GGT1: variants seen among roughly 807,000 people sequenced by gnomAD.
GGT1 encodes glutathione hydrolase 1 proenzyme.
Under a neutral mutation model 56.0 loss-of-function variants are expected in GGT1, and 21 were observed. The observed-to-expected ratio is 0.38, with a 90% confidence interval of 0.27 to 0.54. The LOEUF (loss-of-function observed/expected upper bound fraction) is 0.54. Ranked by LOEUF, GGT1 falls within the 20% of genes least tolerant of loss-of-function variation. The pLI is 0.82. For synonymous variants in GGT1, 238 were observed against 342.6 expected, an observed-to-expected ratio of 0.69 and a Z score of 3.37; for missense variants, 466 against 787.0, an observed-to-expected ratio of 0.59 and a Z score of 4.88.
chr22:24,614,954 G>A, intron 6 of GGT1, 48 bp downstream of exon 6: 1 of 1,600,114 alleles, frequency 6.2e-7, no homozygotes, highest in Non-Finnish European at 8.6e-7. Context: ...GGTGTGGGTT[G>A]GGCCGAGGCA....
chr22:24,592,672 T>G (rs2147177157), upstream of GGT1: 4 of 1,049,076 alleles, frequency 3.8e-6, no homozygotes, highest in Non-Finnish European at 5.1e-6. Context: ...GGTCGCCCTC[T>G]CGCCCACGCA....
chr22:24,591,290 G>C (rs1031692227), upstream of GGT1, among the ~76,000 whole-genome samples: 6 of 152,198 alleles, frequency 3.9e-5, no homozygotes, highest in African/African-American at 1.4e-4. Context: ...TGTTGGTCAG[G>C]CTGGTCTCGA....
At chr22:24,617,799 T>C (rs1276935646) in intron 7 of GGT1, among the ~76,000 whole-genome samples, 2 of 150,444 alleles carry the variant, frequency 1.3e-5, no homozygotes, top group African/African-American at 4.9e-5. Context: ...AATTTGAGAG[T>C]TGTCAGTGCA....
chr22:24,604,266 C>A (rs530879553), intron 1 of GGT1, among the ~76,000 whole-genome samples: 1 of 152,256 alleles, frequency 6.6e-6, no homozygotes, highest in East Asian at 1.9e-4. Flanking sequence ...TCGTAAAATC[C>A]CTTTTGTCTA....
the GGT1 span, chr22:24,588,877 T>C: frequency 2.0e-6 from 2 of 1,007,100 alleles, no homozygotes; most frequent in Non-Finnish European, 2.4e-6. Context: ...TGGCTCTCTC[T>C]CAGTCCTAAC....
the GGT1 span, chr22:24,583,867 C>G: frequency 2.2e-6 from 1 of 457,432 alleles, no homozygotes; most frequent in East Asian, 7.0e-5. Flanking sequence ...CAGTGGTGGG[C>G]AGGGAGTCAG....
chr22:24,602,991 G>C (rs188958090), upstream of GGT1, among the ~76,000 whole-genome samples: 26 of 152,300 alleles, frequency 1.7e-4, no homozygotes, highest in South Asian at 4.1e-4. Context: ...CTCTCATTCA[G>C]GGTTTGAGAC....
chr22:24,605,707 TATA>T (rs1212141863), intron 1 of GGT1, among the ~76,000 whole-genome samples: 1 of 73,950 alleles, frequency 1.4e-5, no homozygotes, highest in Admixed American at 2.5e-4. Flanking sequence ...TTTAATATTA[TATA>T]ATGTGTATTA....
intron 5 of GGT1, among the ~76,000 whole-genome samples, chr22:24,612,992 C>G (rs112125472): frequency 5.3e-5 from 8 of 152,258 alleles, no homozygotes; most frequent in South Asian, 2.1e-4. Flanking sequence ...TGCCTGGCTT[C>G]TACTGTTTTA....
At chr22:24,616,414 CAAA>C (rs905685147) in intron 7 of GGT1, among the ~76,000 whole-genome samples, 2 of 132,668 alleles carry the variant, frequency 1.5e-5, no homozygotes, top group South Asian at 4.9e-4. Context: ...AGCTCCGTCT[CAAA>C]AAAAAAAAAA....
rs149660004 is a variant in GGT1 at position 24,609,986 on chromosome 22, G to A, written c.-337G>A. 77 of 465,014 alleles carry A rather than the reference G, an allele frequency of 1.7e-4. No individual in the cohort carries two copies. Among genetic ancestry groups the A allele is most frequent in the Middle Eastern group, 7.1e-4 (1 of 1,416 alleles). The allele number at this position is 465,014 out of a possible 1,614,324, so 28.8% of individuals were successfully genotyped here. A position where few individuals can be genotyped will look rare whatever the true frequency, so the allele number is the denominator to read the frequency against. ...GCAGCAAGGCAAGTGAGGTGCTGCC[G>A]TCATCCAGGCTGGACAGTTCAGTGA... On this transcript the variant is annotated 5_prime_UTR_variant, in exon 3 of 16. Transcript: ENST00000400382.
chr22:24,592,250 C>A (rs1033662042), upstream of GGT1: 18 of 461,706 alleles, frequency 3.9e-5, no homozygotes, highest in Admixed American at 2.1e-4. Flanking sequence ...ACCACCGGAC[C>A]GAGTGTTGTG....
At chr22:24,618,505 C>T (rs1350108080) in intron 7 of GGT1, among the ~76,000 whole-genome samples, 15 of 152,268 alleles carry the variant, frequency 9.9e-5, no homozygotes, top group South Asian at 8.3e-4. Context: ...GCAGGAGAAT[C>T]GCTTGAACCT....
rs1286788943 is a variant in GGT1, at chr22:24,605,023, C to CATATATATATATATATAT, written c.-429+1509_-429+1510insTATATATATATATATATA. Among the ~76,000 whole-genome samples, 2 of 64,970 alleles carry CATATATATATATATATAT rather than the reference C, an allele frequency of 3.1e-5. 1 individual carries two copies. The highest frequency in any genetic ancestry group is 3.2e-4 in the African/African-American group (2 of 6,260). The allele number at this position is 64,970 out of a possible 152,430, so 42.6% of individuals were successfully genotyped here. ...ACCTGCTGCTGTGAATCCTGTATGTCATATATATATATAAAATATGTAATA... is the reference window on the plus strand; with the variant it reads ...ACCTGCTGCTGTGAATCCTGTATGTCATATATATATATATATATATATATATATATAAAATATGTAATA... On this transcript the variant is annotated intron_variant, in intron 1 of 15. Coordinates refer to ENST00000400382, the MANE Select transcript of GGT1 (RefSeq NM_001288833.2).
At chr22:24,611,773 T>TTGTGTGTGTGTGTG (rs57600451) in intron 5 of GGT1, among the ~76,000 whole-genome samples, 2 of 130,910 alleles carry the variant, frequency 1.5e-5, no homozygotes, top group Non-Finnish European at 3.3e-5. Context: ...CCCAACAAAT[T>TTGTGTGTGTGTGTG]TGTGTGTGTG....
chr22:24,622,827 C>G (rs1233001779), intron 9 of GGT1, among the ~76,000 whole-genome samples: 10 of 152,186 alleles, frequency 6.6e-5, no homozygotes, highest in African/African-American at 2.2e-4. Context: ...AGGCAAAGGG[C>G]AGGTGGCCCC....
intron 9 of GGT1, among the ~76,000 whole-genome samples, chr22:24,621,386 C>A (rs1385848918): frequency 6.6e-6 from 1 of 151,994 alleles, no homozygotes; most frequent in Non-Finnish European, 1.5e-5. Flanking sequence ...CTGCAGATAA[C>A]TTTGTTAGGC....
At chr22:24,623,293 T>A (rs1248586487) in intron 10 of GGT1, 37 bp downstream of exon 10, 1 of 1,480,820 alleles carries the variant, frequency 6.8e-7, no homozygotes, top group South Asian at 1.2e-5. Context: ...GTAGGACCCA[T>A]GACACTGCCT....
chr22:24,625,535 G>C (rs2047694182), intron 11 of GGT1, among the ~76,000 whole-genome samples: 1 of 151,604 alleles, frequency 6.6e-6, no homozygotes, highest in East Asian at 1.9e-4. Flanking sequence ...CAAAGCGCTG[G>C]GATTACAGGT....
Sources: allele counts gnomAD v4.1 joint callset (sites outside exome capture counted in the v4.1 genomes callset), GRCh38; gene constraint gnomAD v4.1.1; transcripts MANE v1.5; gene names NCBI Gene and HGNC (gene_info 2026-07-23, HGNC 2026-07-21).